PTPRN2: variants seen among roughly 807,000 people sequenced by gnomAD.
PTPRN2 encodes the protein protein tyrosine phosphatase receptor type N2.
A neutral mutation model predicts 118.8 loss-of-function variants in PTPRN2; 74 were observed. That is an observed-to-expected ratio of 0.62 (90% CI 0.52 to 0.76). The LOEUF is 0.76. Among genes scored for constraint, PTPRN2 ranks in the 30% least tolerant of loss-of-function variants. PTPRN2 has a pLI of 0.00. For missense variants in PTPRN2, 1,481 were observed against 1,394.4 expected, an observed-to-expected ratio of 1.06 and a Z score of -0.99; for synonymous variants, 641 against 608.0, an observed-to-expected ratio of 1.05 and a Z score of -0.80.
At chr7:157,821,237 G>A (rs375939068) in intron 12 of PTPRN2, among the ~76,000 whole-genome samples, 2 of 152,380 alleles carry the variant, frequency 1.3e-5, no homozygotes, top group East Asian at 1.9e-4. Context: ...ACAATCATAA[G>A]TTTGGAGACA....
At chr7:158,456,186 G>A (rs193202202) in intron 2 of PTPRN2, among the ~76,000 whole-genome samples, 15 of 151,412 alleles carry the variant, frequency 9.9e-5, no homozygotes, top group African/African-American at 3.6e-4. Flanking sequence ...TCACTCTGCA[G>A]AGAACATAAT....
In PTPRN2 at chr7:158,436,876, TTTTC is replaced by T. The variant is rs557632374; in HGVS notation, c.163+52855_163+52858del. Among the ~76,000 whole-genome samples, 20 of 152,240 alleles carry T rather than the reference TTTTC, an allele frequency of 1.3e-4. No homozygotes were observed. In the South Asian group the frequency reaches 3.7e-3, roughly 28 times the overall value. On this transcript the variant is annotated intron_variant, in intron 2 of 22. Coordinates refer to ENST00000389418, the MANE Select transcript of PTPRN2 (RefSeq NM_002847.5). ...TTTAGAGTGATGTTCAGAGGTAGGG[TTTTC>T]TTTGTGTTCATTCTGTGAGGTTGAA... is the stretch of plus-strand genomic sequence containing the variant.
chr7:157,624,386 A>G (rs1468193826), intron 14 of PTPRN2, among the ~76,000 whole-genome samples: 1 of 151,700 alleles, frequency 6.6e-6, no homozygotes, highest in African/African-American at 2.4e-5. Flanking sequence ...GCATCATTGC[A>G]CTCCAGTCTG....
Position 157,598,917 on chromosome 7 carries a change from G to A in PTPRN2, c.2419-3602C>T, listed in dbSNP as rs746294533. The stretch of plus-strand genomic sequence containing the variant: ...GCAACACATCCCGCCTAGAGAGGCC[G>A]GTACCACAGAGAATCCAGTGTGACT... On this transcript the variant is annotated intron_variant, in intron 16 of 22. Transcript: ENST00000389418. The surrounding 1 kb of genome is among the most constrained non-coding windows in gnomAD (Gnocchi z 5.2). Among the ~76,000 whole-genome samples the A allele has an allele frequency of 7.2e-5, 11 of 152,146 alleles. No individual in the cohort carries two copies. The highest frequency in any genetic ancestry group is 1.2e-4 in the Non-Finnish European group (8 of 68,022).
intron 2 of PTPRN2, among the ~76,000 whole-genome samples, chr7:158,341,807 G>C (rs59603176): frequency 7.3e-5 from 3 of 40,858 alleles, no homozygotes; most frequent in African/African-American, 3.3e-4. Flanking sequence ...CACTCTCACC[G>C]TAAGAGGTGA....
intron 2 of PTPRN2, among the ~76,000 whole-genome samples, chr7:158,332,896 C>T (rs879702887): frequency 1.9e-4 from 27 of 143,446 alleles, no homozygotes; most frequent in South Asian, 4.5e-4. Context: ...CACCTGCAAA[C>T]GTCACTCACA....
At chr7:157,772,814 C>T (rs1421477695) in intron 12 of PTPRN2, among the ~76,000 whole-genome samples, 1 of 152,264 alleles carries the variant, frequency 6.6e-6, no homozygotes, top group Admixed American at 6.5e-5. Context: ...TCTTTCTTCT[C>T]TGGCCTCTGC....
intron 10 of PTPRN2, among the ~76,000 whole-genome samples, chr7:158,081,873 T>C (rs900116972): frequency 6.6e-6 from 1 of 152,216 alleles, no homozygotes; most frequent in Non-Finnish European, 1.5e-5. Context: ...ACAGGAATTA[T>C]CAAAATTGTT....
At chr7:157,872,656 C>T (rs989814031) in intron 12 of PTPRN2, among the ~76,000 whole-genome samples, 10 of 152,260 alleles carry the variant, frequency 6.6e-5, no homozygotes, top group South Asian at 2.1e-4. Flanking sequence ...CACTGAGAGG[C>T]GCTCTTGCGC....
intron 6 of PTPRN2, among the ~76,000 whole-genome samples, chr7:158,141,332 G>T (rs1055783662): frequency 6.6e-6 from 1 of 152,234 alleles, no homozygotes; most frequent in African/African-American, 2.4e-5. Flanking sequence ...CACTGCCTGT[G>T]GCACCCCCGT....
chr7:157,597,123 G>A (rs1399917735), intron 16 of PTPRN2, among the ~76,000 whole-genome samples: 2 of 152,284 alleles, frequency 1.3e-5, no homozygotes, highest in African/African-American at 4.8e-5. Flanking sequence ...AAAGAGGGGC[G>A]AGCATAAAGG....
At chr7:158,195,726 C>CATGAAATT (rs1043636573) in intron 4 of PTPRN2, among the ~76,000 whole-genome samples, 3 of 151,994 alleles carry the variant, frequency 2.0e-5, no homozygotes, top group African/African-American at 7.3e-5. Flanking sequence ...GCTATTCATT[C>CATGAAATT]CACCCATGAA....
At chr7:158,300,587 C>CCTCGCCCGCCACCCAGTCCCGCAGCGT (rs1800823268) in intron 3 of PTPRN2, among the ~76,000 whole-genome samples, 1 of 152,260 alleles carries the variant, frequency 6.6e-6, no homozygotes, top group African/African-American at 2.4e-5. Context: ...TCCCGCAGCG[C>CCTCGCCCGCCACCCAGTCCCGCAGCGT]CTCGCCCCCC....
chr7:158,434,854 A>G (rs62479982), intron 2 of PTPRN2, among the ~76,000 whole-genome samples: 56,628 of 152,042 alleles, frequency 0.37, 11,698 homozygotes, highest in East Asian at 0.62. Context: ...TCATGGTGCA[A>G]CACACATCAC....
At chr7:157,999,361 C>T (rs1053237248) in intron 11 of PTPRN2, among the ~76,000 whole-genome samples, 3 of 152,304 alleles carry the variant, frequency 2.0e-5, no homozygotes, top group Admixed American at 6.5e-5. Flanking sequence ...GACTGAGCAC[C>T]GTGTGCTGCC....
intron 10 of PTPRN2, among the ~76,000 whole-genome samples, chr7:158,107,862 A>G (rs1023174816): frequency 4.4e-5 from 6 of 136,324 alleles, no homozygotes; most frequent in African/African-American, 1.7e-4. Flanking sequence ...CCCCTCTCAC[A>G]CATGGATCCC....
Position 157,953,388 on chromosome 7 carries a change from C to T in PTPRN2, c.1724-54651G>A, listed in dbSNP as rs1373151122. Among the ~76,000 whole-genome samples, 1 of 152,072 alleles carries T rather than the reference C, an allele frequency of 6.6e-6. No individual in the cohort carries two copies. Among genetic ancestry groups the T allele is most frequent in the Admixed American group, 6.5e-5 (1 of 15,274 alleles). ...CACAGTGGGAACTCAGGAGCAGGGG[C>T]TGGCGGCACTCCCCGGGCACAGAGG... On this transcript the variant is annotated intron_variant, in intron 11 of 22. Coordinates refer to ENST00000389418, the MANE Select transcript of PTPRN2 (RefSeq NM_002847.5). The surrounding 1 kb of genome is among the most constrained non-coding windows in gnomAD (Gnocchi z 4.6).
intron 6 of PTPRN2, among the ~76,000 whole-genome samples, chr7:158,143,734 G>A (rs766562614): frequency 9.2e-5 from 14 of 152,170 alleles, no homozygotes; most frequent in Admixed American, 2.6e-4. Flanking sequence ...CTGATGTCAC[G>A]ATTCGCAGGA....
intron 2 of PTPRN2, among the ~76,000 whole-genome samples, chr7:158,390,425 C>G (rs781075373): frequency 6.6e-6 from 1 of 152,218 alleles, no homozygotes; most frequent in Non-Finnish European, 1.5e-5. Flanking sequence ...AGCAGCCAGA[C>G]GGAGTTATGA....
Sources: allele counts gnomAD v4.1 joint callset (sites outside exome capture counted in the v4.1 genomes callset), GRCh38; gene constraint gnomAD v4.1.1; non-coding constraint Gnocchi (gnomAD v3.1); transcripts MANE v1.5; gene names NCBI Gene and HGNC (gene_info 2026-07-23, HGNC 2026-07-21).